The following MEGF11 variants were observed in gnomAD, a reference collection of about 807,000 sequenced individuals.
The protein encoded by MEGF11 is multiple epidermal growth factor-like domains protein 11.
A neutral mutation model predicts 146.6 loss-of-function variants in MEGF11; 126 were observed. The observed-to-expected ratio is 0.86, with a 90% CI of 0.74 to 1.00. MEGF11 has a LOEUF of 1.00. Ranked by LOEUF, MEGF11 falls within the 50% of genes least tolerant of loss-of-function variation. The pLI, the probability that MEGF11 is intolerant of heterozygous loss-of-function variation, is 0.00. For synonymous variants in MEGF11, 532 were observed against 583.4 expected, an observed-to-expected ratio of 0.91 and a Z score of 1.27; for missense variants, 1,509 against 1,521.2, an observed-to-expected ratio of 0.99 and a Z score of 0.13.
chr15:66,115,261 C>G (rs995378956), intron 4 of MEGF11, among the ~76,000 whole-genome samples: 1 of 152,210 alleles, frequency 6.6e-6, no homozygotes, highest in African/African-American at 2.4e-5. Context: ...TCTGGAGAGA[C>G]AAGTCGCAGG....
intron 9 of MEGF11, among the ~76,000 whole-genome samples, chr15:65,961,265 G>T (rs1232165338): frequency 6.6e-6 from 1 of 152,122 alleles, no homozygotes; most frequent in African/African-American, 2.4e-5. Flanking sequence ...CTTGTGTTTA[G>T]CCTGGTTCCG....
chr15:66,049,533 C>T (rs1323644012), intron 5 of MEGF11, among the ~76,000 whole-genome samples: 4 of 152,108 alleles, frequency 2.6e-5, no homozygotes, highest in Non-Finnish European at 5.9e-5. Context: ...TGGGGACTTG[C>T]GCCTGTGGAA....
At chr15:66,190,306 T>C (rs2090834646) in intron 1 of MEGF11, among the ~76,000 whole-genome samples, 1 of 152,190 alleles carries the variant, frequency 6.6e-6, no homozygotes. Context: ...CTTGCTATGT[T>C]GCCCGGGCTG....
intron 7 of MEGF11, among the ~76,000 whole-genome samples, chr15:65,976,423 A>G (rs933231268): frequency 1.3e-5 from 2 of 152,222 alleles, no homozygotes; most frequent in Non-Finnish European, 2.9e-5. Context: ...TAGGTAATCA[A>G]GTTAAGATGA....
intron 1 of MEGF11, among the ~76,000 whole-genome samples, chr15:66,248,600 A>AT (rs2092329044): frequency 6.6e-6 from 1 of 152,190 alleles, no homozygotes; most frequent in African/African-American, 2.4e-5. Context: ...AGCCTCACTG[A>AT]TTATCTTTAA....
At chr15:65,932,957 C>T (rs1315117399) in intron 10 of MEGF11, among the ~76,000 whole-genome samples, 2 of 152,122 alleles carry the variant, frequency 1.3e-5, no homozygotes, top group Admixed American at 6.5e-5. Context: ...TCTCAGTTCC[C>T]GCATCTCTGA....
At chr15:66,151,916 T>C (rs1567265094) in intron 1 of MEGF11, among the ~76,000 whole-genome samples, 1 of 152,256 alleles carries the variant, frequency 6.6e-6, no homozygotes, top group African/African-American at 2.4e-5. Flanking sequence ...GCTCCCAGCC[T>C]GAAAGCAATC....
At position 65,918,008 on chromosome 15, in the gene MEGF11, A is replaced by G. The variant is rs529840581; in HGVS notation, c.2044T>C (p.Cys682Arg). 2 of 1,614,034 alleles carry G rather than the reference A, an allele frequency of 1.2e-6. No homozygotes were observed. Among genetic ancestry groups the G allele is most frequent in the Admixed American group, 1.7e-5 (1 of 60,026 alleles). The part of the protein sequence containing the change: ...NGTCSPIDGS[C>R]QCFPGWIGKD... ...CCAATCCATCCAGGAAAGCACTGGC[A>G]GGAGCCATCGATAGGGCTGCAGGTC... Residue 682 changes from cysteine to arginine, a missense_variant, in exon 16 of 26, where the codon TGC (cysteine) becomes CGC (arginine). Cys to Arg is a radical substitution (Grantham distance 180). Transcript: ENST00000395614.
chr15:65,965,571 C>CCTTCCTTTCTTTCTTTCTTTCTTT (rs2081038317), intron 8 of MEGF11, among the ~76,000 whole-genome samples: 1 of 66,564 alleles, frequency 1.5e-5, no homozygotes, highest in Non-Finnish European at 2.8e-5. Context: ...CAGTGAGGTC[C>CCTTCCTTTCTTTCTTTCTTTCTTT]CTTTCTTTCT....
intron 1 of MEGF11, among the ~76,000 whole-genome samples, chr15:66,231,590 G>A (rs528572989): frequency 6.6e-6 from 1 of 152,264 alleles, no homozygotes; most frequent in East Asian, 1.9e-4. Context: ...ACCGTCTCCT[G>A]AGTCATGAAC....
intron 4 of MEGF11, among the ~76,000 whole-genome samples, chr15:66,103,484 T>C (rs2086917600): frequency 6.6e-6 from 1 of 152,274 alleles, no homozygotes; most frequent in South Asian, 2.1e-4. Context: ...TTAAATGAGT[T>C]AGTAATGAGG....
intron 5 of MEGF11, among the ~76,000 whole-genome samples, chr15:66,067,121 G>T (rs1206950397): frequency 6.6e-6 from 1 of 152,176 alleles, no homozygotes; most frequent in Non-Finnish European, 1.5e-5. Flanking sequence ...TGCTTAGAAC[G>T]GTGTCTGGTG....
intron 10 of MEGF11, among the ~76,000 whole-genome samples, chr15:65,943,193 A>T (rs541017321): frequency 6.6e-6 from 1 of 152,104 alleles, no homozygotes; most frequent in East Asian, 1.9e-4. Flanking sequence ...GGCCAGGCTG[A>T]TCTCAAACTC....
intron 10 of MEGF11, among the ~76,000 whole-genome samples, chr15:65,940,307 C>G (rs918980123): frequency 6.6e-6 from 1 of 152,234 alleles, no homozygotes; most frequent in Non-Finnish European, 1.5e-5. Context: ...TTACTGTTTA[C>G]AAAGCCCCTT....
At chr15:66,241,331 G>A (rs942503879) in intron 1 of MEGF11, among the ~76,000 whole-genome samples, 3 of 152,284 alleles carry the variant, frequency 2.0e-5, no homozygotes, top group South Asian at 4.1e-4. Context: ...CTACCCTCCC[G>A]GTTCTGGGAG....
chr15:65,976,710 A>G (rs1364276904), intron 7 of MEGF11, among the ~76,000 whole-genome samples: 1 of 152,198 alleles, frequency 6.6e-6, no homozygotes, highest in African/African-American at 2.4e-5. Flanking sequence ...CCCTGTGGTC[A>G]GTTAAGTGTG....
At chr15:65,994,888 G>A (rs897589632) in intron 5 of MEGF11, among the ~76,000 whole-genome samples, 1 of 152,244 alleles carries the variant, frequency 6.6e-6, no homozygotes, top group African/African-American at 2.4e-5. Context: ...GGTGCTTGGA[G>A]TTGCTTTGGC....
At chr15:66,130,747 A>AGGAAGGAAGGAAGGAAGGAC (rs1361169018) in intron 1 of MEGF11, among the ~76,000 whole-genome samples, 14 of 151,980 alleles carry the variant, frequency 9.2e-5, no homozygotes, top group Non-Finnish European at 1.5e-4. Context: ...GAAGGAAGGA[A>AGGAAGGAAGGAAGGAAGGAC]GGAAGGAAGG....
chr15:66,169,828 G>A (rs965834321), intron 1 of MEGF11, among the ~76,000 whole-genome samples: 2 of 152,176 alleles, frequency 1.3e-5, no homozygotes, highest in African/African-American at 4.8e-5. Context: ...GGAGCACCGC[G>A]GCAGCCGGAC....
Sources: allele counts gnomAD v4.1 joint callset (sites outside exome capture counted in the v4.1 genomes callset), GRCh38; gene constraint gnomAD v4.1.1; transcripts MANE v1.5; gene names NCBI Gene and HGNC (gene_info 2026-07-23, HGNC 2026-07-21).